The following STK3 variants were observed in gnomAD, a reference collection of about 807,000 sequenced individuals.
STK3 encodes the protein serine/threonine kinase 3.
A neutral mutation model predicts 58.0 loss-of-function variants in STK3; 41 were observed. That is an observed-to-expected ratio of 0.71 (90% CI 0.55 to 0.92). STK3 has a LOEUF of 0.92. Ranked by LOEUF, STK3 falls within the 40% of genes least tolerant of loss-of-function variation. STK3 has a pLI of 0.00. For synonymous variants in STK3, 170 were observed against 191.0 expected (o/e 0.89, Z 0.91); for missense variants, 479 against 602.7 (o/e 0.79, Z 2.15).
At chr8:98,678,056 A>G (rs1823354280) in intron 6 of STK3, among the ~76,000 whole-genome samples, 1 of 152,230 alleles carries the variant, frequency 6.6e-6, no homozygotes, top group Non-Finnish European at 1.5e-5. Flanking sequence ...TTTCTTTTCA[A>G]AATGATTGTA....
upstream of STK3, among the ~76,000 whole-genome samples, chr8:98,828,704 A>T (rs1300116342): frequency 1.3e-5 from 2 of 152,212 alleles, no homozygotes; most frequent in East Asian, 1.9e-4. Context: ...ATCTCCAGGG[A>T]GCCTTTCCCA....
intron 3 of STK3, among the ~76,000 whole-genome samples, chr8:98,865,522 A>G (rs1265174231): frequency 6.6e-6 from 1 of 152,116 alleles, no homozygotes; most frequent in Non-Finnish European, 1.5e-5. Flanking sequence ...GTTCACCACC[A>G]CACCCAGCTA....
In STK3 at chr8:98,718,629, A is replaced by C. The variant is rs537874419; in HGVS notation, c.352-11318T>G. ...ACACCAAAGATCAAGGCTTAGTACA[A>C]AAAGAATGCAAGCTATTTTGTTAAA... is the stretch of plus-strand genomic sequence containing the variant. On this transcript the variant is annotated intron_variant, in intron 4 of 10. Transcript: ENST00000419617. Among the ~76,000 whole-genome samples the C allele has an allele frequency of 2.6e-5, 4 of 152,296 alleles. No homozygotes were observed. The East Asian group carries it at 7.7e-4, about 29-fold the overall frequency.
intron 10 of STK3, among the ~76,000 whole-genome samples, chr8:98,481,860 A>G (rs1016430794): frequency 2.6e-5 from 4 of 152,214 alleles, no homozygotes; most frequent in Admixed American, 1.3e-4. Context: ...GGATAGAATG[A>G]TGTTTTGATA....
intron 4 of STK3, among the ~76,000 whole-genome samples, chr8:98,709,058 TC>T (rs1045476102): frequency 2.0e-5 from 3 of 151,928 alleles, no homozygotes; most frequent in Non-Finnish European, 4.4e-5. Context: ...AGCACAAATG[TC>T]CAAAGACTTA....
At chr8:98,790,351 G>C (rs1272341334) in intron 1 of STK3, among the ~76,000 whole-genome samples, 1 of 152,088 alleles carries the variant, frequency 6.6e-6, no homozygotes, top group Admixed American at 6.6e-5. Context: ...TTCATACCAG[G>C]GATGCAGTGA....
chr8:98,911,580 G>C (rs1164303690), intron 1 of STK3, among the ~76,000 whole-genome samples: 1 of 152,052 alleles, frequency 6.6e-6, no homozygotes, highest in East Asian at 1.9e-4. Flanking sequence ...TTTTAGTAGA[G>C]ACGGGGTTTC....
At chr8:98,621,479 A>G (rs1038815233) in intron 6 of STK3, among the ~76,000 whole-genome samples, 10 of 152,168 alleles carry the variant, frequency 6.6e-5, no homozygotes, top group African/African-American at 1.7e-4. Flanking sequence ...CCTGTTCCCA[A>G]CATTAGGGGA....
chr8:98,481,650 C>G (rs1319808179), intron 10 of STK3, among the ~76,000 whole-genome samples: 1 of 151,032 alleles, frequency 6.6e-6, no homozygotes, highest in Non-Finnish European at 1.5e-5. Flanking sequence ...GATGGGTACA[C>G]TAGCAGCCCA....
In STK3 at chr8:98,526,726, A is replaced by G; in HGVS notation, c.1317+16T>C. The G allele has an allele frequency of 3.3e-6, 5 of 1,525,134 alleles. No individual in the cohort carries two copies. The highest frequency in any genetic ancestry group is 4.4e-6 in the Non-Finnish European group (5 of 1,134,932). 94.5% of individuals were successfully genotyped at this position (1,525,134 alleles called of 1,614,324 possible). A position where few individuals can be genotyped will look rare whatever the true frequency, so the allele number is the denominator to read the frequency against. ...AGAAGGAGAAAACATAAATTGAAGA[A>G]TTAAAATGTACTTACAAAGTCAAAG... On this transcript the variant is annotated intron_variant, in intron 10 of 10. Transcript: ENST00000419617.
At chr8:98,552,543 G>T (rs1280206051) in intron 8 of STK3, among the ~76,000 whole-genome samples, 1 of 151,938 alleles carries the variant, frequency 6.6e-6, no homozygotes, top group Non-Finnish European at 1.5e-5. Context: ...CCTTTAAATT[G>T]GCTGATCTCT....
intron 4 of STK3, among the ~76,000 whole-genome samples, chr8:98,721,996 A>T (rs1446173064): frequency 6.6e-6 from 1 of 152,264 alleles, no homozygotes; most frequent in East Asian, 1.9e-4. Flanking sequence ...TTAGAGACTC[A>T]TAAATGATCA....
At chr8:98,517,623 A>C (rs1000879215) in intron 10 of STK3, among the ~76,000 whole-genome samples, 4 of 152,160 alleles carry the variant, frequency 2.6e-5, no homozygotes, top group African/African-American at 4.8e-5. Context: ...TTTTAGATTT[A>C]AAGAAATTTC....
At chr8:98,921,515 G>A (rs4446707) in intron 1 of STK3, 1 of 152,416 alleles carries the variant, frequency 6.6e-6, no homozygotes, top group Non-Finnish European at 1.5e-5. Flanking sequence ...TGGTCAATAA[G>A]ATGACAGATG....
chr8:98,750,324 A>G (rs1829891794), intron 3 of STK3, among the ~76,000 whole-genome samples: 1 of 152,102 alleles, frequency 6.6e-6, no homozygotes, highest in African/African-American at 2.4e-5. Flanking sequence ...ACAAATAGAA[A>G]GGGAAAAACC....
intron 8 of STK3, among the ~76,000 whole-genome samples, chr8:98,566,019 A>C (rs1812451939): frequency 6.6e-6 from 1 of 152,176 alleles, no homozygotes; most frequent in African/African-American, 2.4e-5. Flanking sequence ...CTTCTACAGA[A>C]ATCTCTGTTT....
chr8:98,556,881 C>T (rs193069915), intron 8 of STK3, among the ~76,000 whole-genome samples: 86 of 152,052 alleles, frequency 5.7e-4, no homozygotes, highest in South Asian at 3.1e-3. Flanking sequence ...TCTAGGCAGT[C>T]AAATATAATG....
chr8:98,571,636 G>C (rs1812977949), intron 8 of STK3, among the ~76,000 whole-genome samples: 1 of 152,136 alleles, frequency 6.6e-6, no homozygotes, highest in African/African-American at 2.4e-5. Flanking sequence ...TCCAAGGATA[G>C]AAGCTCTAAG....
At chr8:98,660,612 A>G (rs1821895584) in intron 6 of STK3, among the ~76,000 whole-genome samples, 1 of 151,980 alleles carries the variant, frequency 6.6e-6, no homozygotes, top group African/African-American at 2.4e-5. Flanking sequence ...TCTCCATATC[A>G]ATTCTGACAA....
Sources: gnomAD v4.1 joint callset for allele counts (sites outside exome capture counted in the v4.1 genomes callset) on GRCh38, gnomAD v4.1.1 for gene constraint, MANE v1.5 for transcripts, NCBI Gene and HGNC (gene_info 2026-07-23, HGNC 2026-07-21) for gene names.